CAMK1D: variants seen among roughly 807,000 people sequenced by gnomAD.
CAMK1D encodes calcium/calmodulin-dependent protein kinase type 1D.
Under a neutral mutation model 47.7 loss-of-function variants are expected in CAMK1D, and 9 were observed. The ratio of observed to expected loss-of-function variants is 0.19; its 90% CI spans 0.11 to 0.33. The LOEUF (loss-of-function observed/expected upper bound fraction) is 0.33, where lower values mean the gene tolerates loss of function less well. Ranked by LOEUF, CAMK1D falls within the 10% of genes least tolerant of loss-of-function variation. The pLI is 1.00. For synonymous variants in CAMK1D, 184 were observed against 184.9 expected, an observed-to-expected ratio of 0.99 and a Z score of 0.04; for missense variants, 291 against 488.7, an observed-to-expected ratio of 0.60 and a Z score of 3.81.
chr10:12,385,251 A>G (rs1467730607), intron 1 of CAMK1D, among the ~76,000 whole-genome samples: 5 of 152,246 alleles, frequency 3.3e-5, no homozygotes, highest in Non-Finnish European at 5.9e-5. Context: ...TCCTAGGTAT[A>G]CATCTAAGAG....
chr10:12,813,977 C>T (rs538716872), intron 6 of CAMK1D, among the ~76,000 whole-genome samples: 127 of 145,936 alleles, frequency 8.7e-4, no homozygotes, highest in Admixed American at 2.0e-3. Context: ...TTAGTTGAGA[C>T]GAGGTTTTGC....
chr10:12,531,830 G>C (rs1393257912), intron 1 of CAMK1D, among the ~76,000 whole-genome samples: 1 of 152,198 alleles, frequency 6.6e-6, no homozygotes, highest in African/African-American at 2.4e-5. Context: ...TGCTTTTGCT[G>C]GTCTTCCTAC....
chr10:12,658,588 C>G (rs971547551), intron 2 of CAMK1D, among the ~76,000 whole-genome samples: 1 of 152,182 alleles, frequency 6.6e-6, no homozygotes, highest in Non-Finnish European at 1.5e-5. Flanking sequence ...TGTCCCCATC[C>G]TGTGCCTATA....
At chr10:12,417,198 G>C (rs1839881733) in intron 1 of CAMK1D, among the ~76,000 whole-genome samples, 1 of 152,118 alleles carries the variant, frequency 6.6e-6, no homozygotes, top group Non-Finnish European at 1.5e-5. Context: ...TTATTACCTA[G>C]ACGCAGGATG....
At chr10:12,742,162 G>T (rs1313634327) in intron 3 of CAMK1D, among the ~76,000 whole-genome samples, 1 of 152,164 alleles carries the variant, frequency 6.6e-6, no homozygotes, top group African/African-American at 2.4e-5. Flanking sequence ...TTTAGACAGG[G>T]TCTCGCTCTG....
chr10:12,446,679 A>G (rs1165395018), intron 1 of CAMK1D, among the ~76,000 whole-genome samples: 1 of 152,144 alleles, frequency 6.6e-6, no homozygotes, highest in African/African-American at 2.4e-5. Context: ...GATGTTTCTA[A>G]AGTCTGGATA....
At chr10:12,595,039 T>A (rs1838102075) in intron 2 of CAMK1D, among the ~76,000 whole-genome samples, 1 of 152,060 alleles carries the variant, frequency 6.6e-6, no homozygotes, top group African/African-American at 2.4e-5. Context: ...CCAGGCATGA[T>A]CTTCAAGGTG....
intron 1 of CAMK1D, among the ~76,000 whole-genome samples, chr10:12,514,986 G>A (rs1018927660): frequency 2.0e-5 from 3 of 151,900 alleles, no homozygotes; most frequent in African/African-American, 4.8e-5. Context: ...GACTAGCTGG[G>A]ACTACAGGTG....
chr10:12,821,938 C>A (rs1397866957), intron 8 of CAMK1D, among the ~76,000 whole-genome samples: 1 of 152,124 alleles, frequency 6.6e-6, no homozygotes, highest in East Asian at 1.9e-4. Flanking sequence ...CGCACCACTG[C>A]CCTCCAGCCT....
chr10:12,448,683 C>T (rs1251632481), intron 1 of CAMK1D, among the ~76,000 whole-genome samples: 1 of 152,164 alleles, frequency 6.6e-6, no homozygotes, highest in Non-Finnish European at 1.5e-5. Context: ...GTTGTTTTAG[C>T]CTCTGTGGCA....
chr10:12,628,359 C>T (rs1221412977), intron 2 of CAMK1D, among the ~76,000 whole-genome samples: 1 of 152,114 alleles, frequency 6.6e-6, no homozygotes, highest in African/African-American at 2.4e-5. Flanking sequence ...TAAATTTTAG[C>T]CATTCTAGTA....
At chr10:12,483,780 A>G (rs1376902844) in intron 1 of CAMK1D, among the ~76,000 whole-genome samples, 1 of 151,982 alleles carries the variant, frequency 6.6e-6, no homozygotes, top group East Asian at 1.9e-4. Flanking sequence ...GCCGCCTCCC[A>G]GGTTCAAGTG....
intron 2 of CAMK1D, among the ~76,000 whole-genome samples, chr10:12,565,110 C>A (rs1263205907): frequency 1.3e-5 from 2 of 151,878 alleles, no homozygotes; most frequent in Non-Finnish European, 2.9e-5. Context: ...ACTTGGGAGG[C>A]TGAGGCAGGA....
At chr10:12,828,657 T>A in intron 10 of CAMK1D, 112 bp from the exon 11 acceptor site, 1 of 603,826 alleles carries the variant, frequency 1.7e-6, no homozygotes, top group South Asian at 1.6e-5. Context: ...AAAAAAAAAT[T>A]GGGCCCCCCC....
chr10:12,494,244 C>T (rs1456913362), intron 1 of CAMK1D, among the ~76,000 whole-genome samples: 1 of 152,088 alleles, frequency 6.6e-6, no homozygotes, highest in Non-Finnish European at 1.5e-5. Context: ...AGAAGCTTAA[C>T]TTTAGTTATA....
intron 3 of CAMK1D, among the ~76,000 whole-genome samples, chr10:12,693,547 C>T (rs1833018618): frequency 6.6e-6 from 1 of 151,810 alleles, no homozygotes; most frequent in African/African-American, 2.4e-5. Flanking sequence ...GTGGGAGGAT[C>T]ACCTGAGCAT....
At chr10:12,596,542 T>C (rs1838151712) in intron 2 of CAMK1D, among the ~76,000 whole-genome samples, 8 of 152,180 alleles carry the variant, frequency 5.3e-5, no homozygotes, top group Admixed American at 5.2e-4. Context: ...GTTAAATATT[T>C]TTAACACTCC....
rs147950258 is a variant in CAMK1D, at chr10:12,650,002, C to T, written c.225-16734C>T. Among the ~76,000 whole-genome samples, 601 of 152,316 alleles carry T rather than the reference C, an allele frequency of 3.9e-3. 3 individuals carry two copies. The highest frequency in any genetic ancestry group is 0.014 in the African/African-American group (571 of 41,566). ...TTCAGCATCTCTGCAAGAGAAAACA[C>T]CGCCTTTAGTTTTTCTGGAGCTGAA... On this transcript the variant is annotated intron_variant, in intron 2 of 10. Coordinates refer to ENST00000619168, the MANE Select transcript of CAMK1D (RefSeq NM_153498.4).
chr10:12,762,828 G>C (rs1836571128), intron 4 of CAMK1D, among the ~76,000 whole-genome samples: 1 of 152,202 alleles, frequency 6.6e-6, no homozygotes, highest in South Asian at 2.1e-4. Flanking sequence ...TGGCACCTCT[G>C]CCAGGCCTCC....
Sources: gnomAD v4.1 joint callset for allele counts (sites outside exome capture counted in the v4.1 genomes callset) on GRCh38, gnomAD v4.1.1 for gene constraint, MANE v1.5 for transcripts, NCBI Gene and HGNC (gene_info 2026-07-23, HGNC 2026-07-21) for gene names.